The following MAGI2 variants were observed in gnomAD, a reference collection of about 807,000 sequenced individuals.
The protein encoded by MAGI2 is membrane-associated guanylate kinase, WW and PDZ domain-containing protein 2.
MAGI2 carries 35 observed loss-of-function variants against 133.3 expected under a neutral mutation model. That is an observed-to-expected ratio of 0.26 (90% CI 0.20 to 0.35). MAGI2 has a LOEUF of 0.35. MAGI2 is among the 10% of genes least tolerant of loss of function. The probability of loss-of-function intolerance (pLI) is 1.00; values close to 1 mark genes in which losing one functional copy is unlikely to be tolerated. For missense variants in MAGI2, 1,636 were observed against 1,863.4 expected (o/e 0.88, Z 2.25); for synonymous variants, 729 against 710.6 (o/e 1.03, Z -0.41).
intron 1 of MAGI2, among the ~76,000 whole-genome samples, chr7:79,103,738 C>T (rs563828863): frequency 1.9e-4 from 29 of 151,904 alleles, no homozygotes; most frequent in African/African-American, 5.3e-4. Flanking sequence ...CTCAGTCTGT[C>T]GCCCAGCCTG....
At chr7:78,430,608 T>C (rs2151430202) in intron 6 of MAGI2, among the ~76,000 whole-genome samples, 1 of 152,198 alleles carries the variant, frequency 6.6e-6, no homozygotes, top group South Asian at 2.1e-4. Context: ...ATCCAACACC[T>C]TTTAAACAGT....
chr7:78,524,569 A>G (rs1456855050), intron 3 of MAGI2, among the ~76,000 whole-genome samples: 1 of 152,220 alleles, frequency 6.6e-6, no homozygotes, highest in South Asian at 2.1e-4. Context: ...GTAAGTATAT[A>G]ACTTTTTTCT....
chr7:78,225,734 T>C (rs1789307136), intron 10 of MAGI2, among the ~76,000 whole-genome samples: 1 of 152,352 alleles, frequency 6.6e-6, no homozygotes, highest in South Asian at 2.1e-4. Flanking sequence ...AGAGGTCAAT[T>C]TCTTTCTAAA....
At chr7:79,147,199 T>G (rs576516629) in intron 1 of MAGI2, among the ~76,000 whole-genome samples, 86 of 152,328 alleles carry the variant, frequency 5.6e-4, no homozygotes, top group Non-Finnish European at 4.7e-4. Context: ...CCAGACAATG[T>G]GCAGCCCATA....
At chr7:78,611,268 T>G (rs926851294) in intron 3 of MAGI2, among the ~76,000 whole-genome samples, 1 of 152,222 alleles carries the variant, frequency 6.6e-6, no homozygotes, top group Non-Finnish European at 1.5e-5. Context: ...AGCATTTCTT[T>G]ATAACAGGCC....
intron 2 of MAGI2, among the ~76,000 whole-genome samples, chr7:78,984,995 C>T (rs1253699465): frequency 4.1e-5 from 6 of 146,346 alleles, no homozygotes; most frequent in Non-Finnish European, 6.0e-5. Flanking sequence ...TTTCTTCTTT[C>T]CTTTTTTTTT....
In MAGI2 at chr7:78,543,956, T is replaced by A. The variant is rs150006774; in HGVS notation, c.539-22311A>T. Among the ~76,000 whole-genome samples, 646 of 152,332 alleles carry A rather than the reference T, an allele frequency of 4.2e-3. 3 individuals are homozygous for A. The highest frequency in any genetic ancestry group is 7.6e-3 in the Non-Finnish European group (519 of 68,028). On this transcript the variant is annotated intron_variant, in intron 3 of 21. Coordinates refer to ENST00000354212, the MANE Select transcript of MAGI2 (RefSeq NM_012301.4). ...TGCTTAGAAAAATAAAAGTGCCATA[T>A]AGCAAATCCTTATACCATTCTCTTA...
rs1049157951 is a variant in MAGI2 at position 78,500,840 on chromosome 7, G to A, written c.965+737C>T. On this transcript the variant is annotated intron_variant, in intron 5 of 21. Transcript: ENST00000354212. ...GCAGTGGCTCACCCCTGTAATCCCA[G>A]CACTTTGTGAGGCCAGTGTGGGCAA... Among the ~76,000 whole-genome samples the A allele has an allele frequency of 2.0e-5, 3 of 152,154 alleles. No individual in the cohort carries two copies. The East Asian group carries it at 5.8e-4, about 29-fold the overall frequency.
intron 9 of MAGI2, among the ~76,000 whole-genome samples, chr7:78,279,884 T>C (rs763655512): frequency 2.6e-5 from 4 of 152,110 alleles, no homozygotes; most frequent in African/African-American, 4.8e-5. Flanking sequence ...AATACGGAGA[T>C]TGAAAACTGA....
At chr7:79,054,598 A>G (rs1021395848) in intron 1 of MAGI2, among the ~76,000 whole-genome samples, 4 of 152,156 alleles carry the variant, frequency 2.6e-5, no homozygotes, top group Non-Finnish European at 5.9e-5. Flanking sequence ...TTCATACCAT[A>G]AACTAGGCCT....
At chr7:78,322,020 T>C (rs950354053) in intron 9 of MAGI2, among the ~76,000 whole-genome samples, 29 of 152,194 alleles carry the variant, frequency 1.9e-4, no homozygotes, top group Non-Finnish European at 8.8e-5. Context: ...AAGCTCATGA[T>C]TACTGGTCAT....
At chr7:78,644,694 C>T (rs1045814082) in intron 2 of MAGI2, among the ~76,000 whole-genome samples, 51 of 151,920 alleles carry the variant, frequency 3.4e-4, no homozygotes, top group Admixed American at 2.4e-3. Flanking sequence ...ATATTAGAAA[C>T]GCAGAAAGGT....
intron 1 of MAGI2, among the ~76,000 whole-genome samples, chr7:79,052,445 C>T (rs1393677862): frequency 7.2e-5 from 11 of 152,164 alleles, no homozygotes; most frequent in Admixed American, 2.0e-4. Flanking sequence ...CTGCATGGGT[C>T]GCACACCCAT....
chr7:78,997,758 C>T (rs188497967), intron 2 of MAGI2, among the ~76,000 whole-genome samples: 1 of 152,140 alleles, frequency 6.6e-6, no homozygotes, highest in Non-Finnish European at 1.5e-5. Flanking sequence ...CTTGATTACA[C>T]TAAGCATTGA....
In MAGI2 at chr7:78,093,232, C is replaced by T. The variant is rs1053538098; in HGVS notation, c.3568-14147G>A. 2.0e-5 allele frequency among the ~76,000 whole-genome samples: 3 copies of T among 147,866 alleles called. No homozygotes were observed. In the Admixed American group the frequency reaches 2.0e-4, roughly 10 times the overall value. ...CAACACTTTGGGAGGCCAAAGTGGGCAGATCATTTGAGGTCAGGAATTCAT... is the reference window on the plus strand; with the variant it reads ...CAACACTTTGGGAGGCCAAAGTGGGTAGATCATTTGAGGTCAGGAATTCAT... On this transcript the variant is annotated intron_variant, in intron 20 of 21. Coordinates refer to ENST00000354212, the MANE Select transcript of MAGI2 (RefSeq NM_012301.4).
chr7:78,109,557 G>A (rs933807274), intron 20 of MAGI2, among the ~76,000 whole-genome samples: 4 of 151,732 alleles, frequency 2.6e-5, no homozygotes, highest in African/African-American at 7.3e-5. Flanking sequence ...AGTTGAACCC[G>A]GGAGGTGGAG....
chr7:78,565,035 C>A (rs1003315471), intron 3 of MAGI2, among the ~76,000 whole-genome samples: 1 of 151,826 alleles, frequency 6.6e-6, no homozygotes, highest in African/African-American at 2.4e-5. Flanking sequence ...CCTTGTGATC[C>A]GTCTGCCTCA....
chr7:78,896,324 C>T (rs1018660710), intron 2 of MAGI2, among the ~76,000 whole-genome samples: 2 of 151,876 alleles, frequency 1.3e-5, no homozygotes, highest in Non-Finnish European at 2.9e-5. Flanking sequence ...TAGCATTTTC[C>T]TTGTCCTCAA....
intron 1 of MAGI2, among the ~76,000 whole-genome samples, chr7:79,160,781 T>G (rs1302775869): frequency 2.0e-5 from 3 of 152,082 alleles, no homozygotes; most frequent in African/African-American, 7.2e-5. Context: ...ATGCTTCATA[T>G]GCAAGCCATA....
Sources: gnomAD v4.1 joint callset for allele counts (sites outside exome capture counted in the v4.1 genomes callset) on GRCh38, gnomAD v4.1.1 for gene constraint, MANE v1.5 for transcripts, NCBI Gene and HGNC (gene_info 2026-07-23, HGNC 2026-07-21) for gene names.